The following FAM135B variants were observed in gnomAD, a reference collection of about 807,000 sequenced individuals.
FAM135B encodes the protein family with sequence similarity 135 member B, also known as protein FAM135B.
FAM135B carries 43 observed loss-of-function variants against 127.7 expected under a neutral mutation model. The ratio of observed to expected loss-of-function variants is 0.34; its 90% CI spans 0.26 to 0.43. The LOEUF (loss-of-function observed/expected upper bound fraction) is 0.43. Ranked by LOEUF, FAM135B falls within the 20% of genes least tolerant of loss-of-function variation. The probability of loss-of-function intolerance (pLI) is 1.00; values close to 1 mark genes in which losing one functional copy is unlikely to be tolerated. For missense variants in FAM135B, 1,558 were observed against 1,725.6 expected, an observed-to-expected ratio of 0.90 and a Z score of 1.72; for synonymous variants, 670 against 665.1, an observed-to-expected ratio of 1.01 and a Z score of -0.11.
intron 1 of FAM135B, among the ~76,000 whole-genome samples, chr8:138,429,003 C>T (rs761631066): frequency 6.6e-5 from 10 of 152,182 alleles, no homozygotes; most frequent in Non-Finnish European, 1.3e-4. Context: ...CCCTGTTCTT[C>T]AGAGCTTATC....
intron 1 of FAM135B, among the ~76,000 whole-genome samples, chr8:138,465,986 G>A (rs1418564522): frequency 6.6e-6 from 1 of 152,094 alleles, no homozygotes; most frequent in African/African-American, 2.4e-5. Flanking sequence ...GTGTTGGCCA[G>A]GCTGGTCTCG....
At chr8:138,402,579 A>G (rs962645081) in intron 1 of FAM135B, among the ~76,000 whole-genome samples, 1 of 152,166 alleles carries the variant, frequency 6.6e-6, no homozygotes, top group Non-Finnish European at 1.5e-5. Flanking sequence ...TATGCAGAGA[A>G]GTAGGTGCTC....
chr8:138,259,209 C>T (rs1473413373), intron 4 of FAM135B, among the ~76,000 whole-genome samples: 1 of 152,192 alleles, frequency 6.6e-6, no homozygotes, highest in Admixed American at 6.5e-5. Context: ...CTAGATTGGA[C>T]GTTCTCTCAC....
At chr8:138,281,487 A>G (rs1824260831) in intron 3 of FAM135B, among the ~76,000 whole-genome samples, 1 of 151,170 alleles carries the variant, frequency 6.6e-6, no homozygotes, top group African/African-American at 2.4e-5. Context: ...AATCCTATTG[A>G]GGTAAATAGT....
At position 138,271,654 on chromosome 8, in the gene FAM135B, A is replaced by C. The variant is rs1586934187; in HGVS notation, c.158-5812T>G. Reference sequence around the variant, plus strand: ...TTCATCTTTCCACACACGTTGCATTAGTCAGAATGCCTTATATAGGCTAAT... The same window carrying C: ...TTCATCTTTCCACACACGTTGCATTCGTCAGAATGCCTTATATAGGCTAAT... On this transcript the variant is annotated intron_variant, in intron 3 of 19. Transcript: ENST00000395297. Among the ~76,000 whole-genome samples, 7 of 152,346 alleles carry C rather than the reference A, an allele frequency of 4.6e-5. No individual in the cohort carries two copies. The South Asian group carries it at 1.4e-3, about 32-fold the overall frequency.
chr8:138,197,588 CGTG>C lies in FAM135B; in HGVS notation c.748_750del (p.His250del). ...AAGTGGAGACGGAGACCCCGGTAAG[CGTG>C]GAGGAGCAACAGGCACAGGTCTCGG... On this transcript the variant is annotated inframe_deletion, in exon 8 of 20. Transcript: ENST00000395297. 6.2e-7 allele frequency: 1 copy of C among 1,613,820 alleles called. No homozygotes were observed. The highest frequency in any genetic ancestry group is 8.5e-7 in the Non-Finnish European group (1 of 1,179,948).
At chr8:138,319,378 A>T (rs1304935601) in intron 2 of FAM135B, among the ~76,000 whole-genome samples, 1 of 152,200 alleles carries the variant, frequency 6.6e-6, no homozygotes, top group Non-Finnish European at 1.5e-5. Flanking sequence ...AAGTGCTAGG[A>T]TTACAGGCGA....
chr8:138,477,879 C>G (rs966957500), intron 1 of FAM135B, among the ~76,000 whole-genome samples: 13 of 152,130 alleles, frequency 8.5e-5, no homozygotes, highest in Non-Finnish European at 1.9e-4. Context: ...ATATGGACAT[C>G]ATGTCTGATT....
chr8:138,151,481 C>T lies in FAM135B; in HGVS notation c.2994G>A (p.Leu998=). 6.2e-7 allele frequency: 1 copy of T among 1,614,232 alleles called. No individual in the cohort carries two copies. ...TGCCTGCCTTCAGCTCTTGGTTTTTCAAAACCTGGGAATGAACGGAATGGG... is the reference window on the plus strand; with the variant it reads ...TGCCTGCCTTCAGCTCTTGGTTTTTTAAAACCTGGGAATGAACGGAATGGG... The part of the protein sequence containing the change: ...TVTHSVHSQV[L]KNQELKAGTS... Residue 998 remains leucine (L), a synonymous_variant, in exon 13 of 20, where the codon TTG becomes TTA. Transcript: ENST00000395297.
At chr8:138,464,917 T>C (rs1488950313) in intron 1 of FAM135B, among the ~76,000 whole-genome samples, 1 of 152,214 alleles carries the variant, frequency 6.6e-6, no homozygotes, top group Non-Finnish European at 1.5e-5. Context: ...TTTAAGACTT[T>C]TGCGAATGCA....
At chr8:138,333,331 T>A (rs532174395) in intron 2 of FAM135B, among the ~76,000 whole-genome samples, 1 of 152,326 alleles carries the variant, frequency 6.6e-6, no homozygotes, top group East Asian at 1.9e-4. Context: ...TCTGATAGCA[T>A]CTTGGTCACT....
chr8:138,357,951 C>T (rs1425413551), intron 2 of FAM135B, among the ~76,000 whole-genome samples: 3 of 152,092 alleles, frequency 2.0e-5, no homozygotes, highest in Non-Finnish European at 4.4e-5. Context: ...TTTCATACTG[C>T]TATGAAGAAA....
intron 2 of FAM135B, among the ~76,000 whole-genome samples, chr8:138,361,426 G>A (rs763818061): frequency 1.8e-4 from 28 of 152,188 alleles, no homozygotes; most frequent in Non-Finnish European, 3.2e-4. Flanking sequence ...TACAATGAAA[G>A]ATAAGCTACA....
chr8:138,496,516 A>T, intron 1 of FAM135B, among the ~76,000 whole-genome samples, 155 bp downstream of exon 1: 1 of 152,126 alleles, frequency 6.6e-6, no homozygotes, highest in Non-Finnish European at 1.5e-5. Flanking sequence ...GAGGGCAGAG[A>T]GACTGGGGAA....
intron 3 of FAM135B, among the ~76,000 whole-genome samples, chr8:138,268,689 C>A (rs564981919): frequency 6.6e-6 from 1 of 152,228 alleles, no homozygotes; most frequent in South Asian, 2.1e-4. Flanking sequence ...AATCAGCACC[C>A]AGAGACAGCA....
intron 1 of FAM135B, among the ~76,000 whole-genome samples, chr8:138,416,434 C>G (rs1197312916): frequency 6.6e-6 from 1 of 152,118 alleles, no homozygotes; most frequent in Non-Finnish European, 1.5e-5. Context: ...CAGTCTAATA[C>G]AGCTGGAGTA....
At chr8:138,160,601 T>A (rs1397312356) in intron 12 of FAM135B, among the ~76,000 whole-genome samples, 1 of 151,460 alleles carries the variant, frequency 6.6e-6, no homozygotes, top group Non-Finnish European at 1.5e-5. Context: ...TTTCACCATG[T>A]TGCCCAGGCT....
In FAM135B at chr8:138,310,914, G is replaced by A. The variant is rs2130894081; in HGVS notation, c.84C>T (p.Tyr28=). The A allele has an allele frequency of 6.2e-7, 1 of 1,612,246 alleles. No individual in the cohort carries two copies. Among genetic ancestry groups the A allele is most frequent in the South Asian group, 1.1e-5 (1 of 90,420 alleles). ...YNVDLFQRGY[Y]QIRVTLKVSS... is the part of the protein sequence containing the mutation. ...ACACCTTCAAGGTCACTCGGATCTG[G>A]TAATACCTAAGAAAAGAGAAGAGGA... Residue 28 remains tyrosine, a synonymous_variant, in exon 3 of 20, where the codon TAC becomes TAT. Transcript: ENST00000395297.
At chr8:138,421,018 A>G (rs1432057891) in intron 1 of FAM135B, among the ~76,000 whole-genome samples, 2 of 152,168 alleles carry the variant, frequency 1.3e-5, no homozygotes, top group Non-Finnish European at 2.9e-5. Context: ...AGAAAGAAAT[A>G]AAAGACATCC....
Sources: gnomAD v4.1 joint callset for allele counts (sites outside exome capture counted in the v4.1 genomes callset) on GRCh38, gnomAD v4.1.1 for gene constraint, MANE v1.5 for transcripts, NCBI Gene and HGNC (gene_info 2026-07-23, HGNC 2026-07-21) for gene names.